Variants in LPP observed in about 807,000 individuals in gnomAD.
The protein encoded by LPP is lipoma-preferred partner.
In LPP, 38 loss-of-function variants were observed where a neutral mutation model predicts 60.4. That is an observed-to-expected ratio of 0.63 (90% CI 0.49 to 0.83). The LOEUF is 0.83. LPP is among the 40% of genes least tolerant of loss of function. The pLI, the probability that LPP is intolerant of heterozygous loss-of-function variation, is 0.00. For missense variants in LPP, 902 were observed against 783.6 expected, an observed-to-expected ratio of 1.15 and a Z score of -1.80; for synonymous variants, 328 against 290.8, an observed-to-expected ratio of 1.13 and a Z score of -1.30.
chr3:188,847,660 T>A (rs1256472894), intron 9 of LPP, among the ~76,000 whole-genome samples: 1 of 152,208 alleles, frequency 6.6e-6, no homozygotes, highest in Non-Finnish European at 1.5e-5. Flanking sequence ...TCACAGTTTA[T>A]CTTGAACTCT....
intron 2 of LPP, among the ~76,000 whole-genome samples, chr3:188,228,405 C>A (rs776658108): frequency 6.6e-6 from 1 of 152,030 alleles, no homozygotes. Context: ...GGTGTTCTAT[C>A]GGGCATTGGC....
chr3:188,655,964 T>G (rs2149036946), intron 7 of LPP, among the ~76,000 whole-genome samples: 1 of 151,468 alleles, frequency 6.6e-6, no homozygotes, highest in South Asian at 2.1e-4. Context: ...CCAAGGTGGG[T>G]GGATTACCTG....
chr3:188,210,264 G>A (rs1734342867), intron 1 of LPP, among the ~76,000 whole-genome samples: 1 of 152,094 alleles, frequency 6.6e-6, no homozygotes, highest in Admixed American at 6.6e-5. Flanking sequence ...CAGGGGTCCT[G>A]GAACCAATTC....
chr3:188,256,852 C>T (rs1268166710), intron 2 of LPP, among the ~76,000 whole-genome samples: 2 of 152,144 alleles, frequency 1.3e-5, no homozygotes, highest in Non-Finnish European at 2.9e-5. Flanking sequence ...TACATTTGTG[C>T]AGGGAGGTAC....
chr3:188,727,762 A>G (rs1577223712), intron 8 of LPP, among the ~76,000 whole-genome samples: 1 of 152,136 alleles, frequency 6.6e-6, no homozygotes, highest in African/African-American at 2.4e-5. Context: ...AAGCATTCAT[A>G]TCCGGATTTT....
At chr3:188,857,207 C>T (rs148655677) in intron 9 of LPP, among the ~76,000 whole-genome samples, 62 of 152,260 alleles carry the variant, frequency 4.1e-4, no homozygotes, top group Admixed American at 1.9e-3. Flanking sequence ...CAAGATGATT[C>T]GGGGAATTTT....
chr3:188,456,249 T>A (rs187089913), intron 4 of LPP, among the ~76,000 whole-genome samples: 130 of 152,334 alleles, frequency 8.5e-4, no homozygotes, highest in Non-Finnish European at 1.8e-4. Flanking sequence ...TGGGGGAAAC[T>A]TCTCAGCTAT....
chr3:188,722,320 G>A (rs1023817611), intron 8 of LPP, among the ~76,000 whole-genome samples: 1 of 152,168 alleles, frequency 6.6e-6, no homozygotes, highest in African/African-American at 2.4e-5. Flanking sequence ...CAGTAATGGT[G>A]TTTACTAATG....
At chr3:188,447,934 T>TG (rs896532833) in intron 4 of LPP, among the ~76,000 whole-genome samples, 2 of 152,232 alleles carry the variant, frequency 1.3e-5, no homozygotes, top group African/African-American at 2.4e-5. Context: ...ACTGTTGTAC[T>TG]GGGGGGCCAG....
At chr3:188,462,598 G>A (rs982099340) in intron 4 of LPP, among the ~76,000 whole-genome samples, 946 of 86,526 alleles carry the variant, frequency 0.011, 47 homozygotes, top group African/African-American at 0.038. Flanking sequence ...ATGTGTGTGT[G>A]TGTGTGTGTG....
At chr3:188,709,365 A>AT (rs1866140019) in intron 8 of LPP, 1 of 151,876 alleles carries the variant, frequency 6.6e-6, no homozygotes, top group African/African-American at 2.4e-5. Context: ...ATTTTATTTT[A>AT]TTTATTTTTG....
intron 5 of LPP, among the ~76,000 whole-genome samples, chr3:188,519,773 G>A (rs548685483): frequency 6.6e-6 from 1 of 152,258 alleles, no homozygotes; most frequent in Admixed American, 6.5e-5. Context: ...GATGAATCTG[G>A]GTGAAGGATG....
intron 2 of LPP, among the ~76,000 whole-genome samples, chr3:188,324,715 T>C (rs1257147584): frequency 1.3e-5 from 2 of 152,186 alleles, no homozygotes; most frequent in Non-Finnish European, 2.9e-5. Context: ...CCTTGTGGCC[T>C]TTTTCCACAC....
intron 5 of LPP, among the ~76,000 whole-genome samples, chr3:188,523,692 C>T (rs1819646017): frequency 6.6e-6 from 1 of 152,198 alleles, no homozygotes; most frequent in Non-Finnish European, 1.5e-5. Context: ...ATTTTACGTC[C>T]TTAGACAAGT....
At chr3:188,344,771 G>A (rs899751961) in intron 3 of LPP, among the ~76,000 whole-genome samples, 11 of 152,058 alleles carry the variant, frequency 7.2e-5, no homozygotes, top group Admixed American at 5.2e-4. Context: ...TTTATACACC[G>A]GTAGCGGTAG....
At chr3:188,639,038 A>G (rs1194785073) in intron 7 of LPP, among the ~76,000 whole-genome samples, 1 of 150,706 alleles carries the variant, frequency 6.6e-6, no homozygotes, top group Non-Finnish European at 1.5e-5. Context: ...ATGGAACCAA[A>G]AAAGAGCCCG....
Position 188,878,004 on chromosome 3 carries a change from G to T in LPP, c.*3525G>T, listed in dbSNP as rs944546542. ...GAGATGTTTATGGTGAGGTTTAAAG[G>T]ATATGAAACTCTACATTTAAACAAG... On this transcript the variant is annotated 3_prime_UTR_variant, in exon 12 of 12. Transcript: ENST00000617246. The T allele has an allele frequency of 9.2e-6, 2 of 216,598 alleles. No individual in the cohort carries two copies. Among genetic ancestry groups the T allele is most frequent in the African/African-American group, 4.5e-5 (2 of 44,434 alleles). 13.4% of individuals were successfully genotyped at this position (216,598 alleles called of 1,614,324 possible).
chr3:188,613,297 T>TCTATATCTATAC (rs1560643836), intron 7 of LPP, among the ~76,000 whole-genome samples: 14 of 140,664 alleles, frequency 1.0e-4, no homozygotes, highest in Admixed American at 1.4e-4. Context: ...TATATCTATA[T>TCTATATCTATAC]CTATATCTAT....
rs1353391085 is a variant in LPP, at chr3:188,643,501, T to C, written c.1113+33657T>C. Among the ~76,000 whole-genome samples, 4 of 152,196 alleles carry C rather than the reference T, an allele frequency of 2.6e-5. No individual in the cohort carries two copies. In the East Asian group the frequency reaches 7.7e-4, roughly 29 times the overall value. On this transcript the variant is annotated intron_variant, in intron 7 of 11. Transcript: ENST00000617246. ...TATTATAAAAATCTGAGAATGAGCA[T>C]GTGTGAAGCTCTCTGATACTCTTAC...
Sources: allele counts gnomAD v4.1 joint callset (sites outside exome capture counted in the v4.1 genomes callset), GRCh38; gene constraint gnomAD v4.1.1; transcripts MANE v1.5; gene names NCBI Gene and HGNC (gene_info 2026-07-23, HGNC 2026-07-21).